SLC43A3: variants seen among roughly 807,000 people sequenced by gnomAD.
SLC43A3 encodes the protein solute carrier family 43 member 3.
Under a neutral mutation model 53.3 loss-of-function variants are expected in SLC43A3, and 33 were observed. The ratio of observed to expected loss-of-function variants is 0.62; its 90% CI spans 0.47 to 0.83. The LOEUF is 0.83. Ranked by LOEUF, SLC43A3 falls within the 40% of genes least tolerant of loss-of-function variation. The pLI is 0.00. For missense variants in SLC43A3, 530 were observed against 610.0 expected, an observed-to-expected ratio of 0.87 and a Z score of 1.38; for synonymous variants, 236 against 246.2, an observed-to-expected ratio of 0.96 and a Z score of 0.39.
rs1942737820 is a variant in SLC43A3 at position 57,416,662 on chromosome 11, G to A, written c.680C>T (p.Pro227Leu). The change falls in exon 9 of 14, where the codon CCT becomes CTT. Residue 227 changes from proline (P) to leucine (L), a missense_variant. Coordinates refer to ENST00000395124, the MANE Select transcript of SLC43A3 (RefSeq NM_199329.3). ...LPPNYSYGLC[P>L]GNGTTKEEKE... ...CTCTTCCTTTGTGGTGCCATTCCCA[G>A]GGCACAGGCTATGGAAACAAAAGCC... 1 of 1,613,810 alleles carries A rather than the reference G, an allele frequency of 6.2e-7. No individual in the cohort carries two copies. Among genetic ancestry groups the A allele is most frequent in the East Asian group, 2.2e-5 (1 of 44,878 alleles).
At position 57,416,743 on chromosome 11, in the gene SLC43A3, A is replaced by G. The variant is rs1297413042; in HGVS notation, c.672-73T>C. The G allele has an allele frequency of 9.2e-6, 11 of 1,198,896 alleles. No homozygotes were observed. The East Asian group carries it at 1.9e-4, about 21-fold the overall frequency. The allele number at this position is 1,198,896 out of a possible 1,614,324, so 74.3% of individuals were successfully genotyped here. A position where few individuals can be genotyped will look rare whatever the true frequency, so the allele number is the denominator to read the frequency against. The stretch of plus-strand genomic sequence containing the variant: ...ACCTGAGACTCAGACTGGAGGGAAT[A>G]GCATGGTGAATCCCACATTCCACCG... On this transcript the variant is annotated intron_variant, in intron 8 of 13. Coordinates refer to ENST00000395124, the MANE Select transcript of SLC43A3 (RefSeq NM_199329.3).
rs1475294351 is a variant in SLC43A3, at chr11:57,409,227, T to C, written c.1319A>G (p.Gln440Arg). The change falls in exon 13 of 14, where the codon CAG (glutamine) becomes CGG (arginine). Residue 440 changes from glutamine to arginine, a missense_variant. Around this residue, in one of 3 missense-constraint regions of SLC43A3, gnomAD observed 124 missense variants for 166.4 expected, o/e 0.75. Transcript: ENST00000395124. Reference protein sequence around the residue: ...MALSAVVSLLQFPIFTLIKGS... With the variant: ...MALSAVVSLLRFPIFTLIKGS... Reference sequence around the variant, plus strand: ...TTTGATGAGGGTGAAGATGGGGAACTGGAGCAGAGACACCACAGCCGACAA... The same window carrying C: ...TTTGATGAGGGTGAAGATGGGGAACCGGAGCAGAGACACCACAGCCGACAA... 3.1e-6 allele frequency: 5 copies of C among 1,614,062 alleles called. No individual in the cohort carries two copies. The highest frequency in any genetic ancestry group is 4.2e-6 in the Non-Finnish European group (5 of 1,180,028).
At chr11:57,419,816 A>AAAAG (rs1554973766) in intron 7 of SLC43A3, among the ~76,000 whole-genome samples, 4 of 147,744 alleles carry the variant, frequency 2.7e-5, no homozygotes, top group Non-Finnish European at 3.0e-5. Flanking sequence ...AAAAAAAAAA[A>AAAAG]AGAGAGAGGA....
At chr11:57,415,221 C>G in intron 9 of SLC43A3, 115 bp from the exon 10 acceptor site, 1 of 1,547,854 alleles carries the variant, frequency 6.5e-7, no homozygotes, top group South Asian at 1.2e-5. Context: ...CTACCCTTGG[C>G]TCCCAGAACT....
At chr11:57,412,311 G>A (rs1382440312) in intron 11 of SLC43A3, among the ~76,000 whole-genome samples, 2 of 152,122 alleles carry the variant, frequency 1.3e-5, no homozygotes, top group East Asian at 3.8e-4. Context: ...AATCATGACA[G>A]AACAGATTAA....
In SLC43A3 at chr11:57,425,992, C is replaced by T. The variant is rs767661306; in HGVS notation, c.181G>A (p.Ala61Thr). The change falls in exon 3 of 14, where the codon GCT becomes ACT. Residue 61 changes from alanine to threonine, a missense_variant. Ala to Thr is a moderately conservative substitution (Grantham distance 58, BLOSUM62 0). Around this residue, in one of 3 missense-constraint regions of SLC43A3, gnomAD observed 376 missense variants for 386.7 expected, o/e 0.97. Transcript: ENST00000395124. Reference sequence around the variant, plus strand: ...GAAAAGTCATCCCTGCCCTTACCAGCCTGCCCTGTGGCATTGCCAATCGGC... The same window carrying T: ...GAAAAGTCATCCCTGCCCTTACCAGTCTGCCCTGTGGCATTGCCAATCGGC... ...AGPIGNATGQ[A>T]DCKAQDERFS... 6.2e-7 allele frequency: 1 copy of T among 1,613,802 alleles called. No homozygotes were observed. The highest frequency in any genetic ancestry group is 1.7e-5 in the Admixed American group (1 of 60,022).
At chr11:57,423,766 T>G in intron 5 of SLC43A3, 1 of 535,084 alleles carries the variant, frequency 1.9e-6, no homozygotes, top group Non-Finnish European at 3.4e-6. Flanking sequence ...CTCTCTGAAG[T>G]AATCCCTCTC....
At chr11:57,419,374 T>C (rs1395680859) in intron 7 of SLC43A3, among the ~76,000 whole-genome samples, 1 of 152,186 alleles carries the variant, frequency 6.6e-6, no homozygotes, top group African/African-American at 2.4e-5. Context: ...CCTCCCATTT[T>C]ACAGAGAGTG....
At chr11:57,425,772 T>C in intron 3 of SLC43A3, 102 bp from the exon 4 acceptor site, 1 of 1,549,650 alleles carries the variant, frequency 6.5e-7, no homozygotes, top group South Asian at 1.2e-5. Flanking sequence ...GTCGCAAACT[T>C]GTCCCTTAAG....
chr11:57,417,267 G>T (rs755129466), intron 8 of SLC43A3, among the ~76,000 whole-genome samples: 1 of 152,222 alleles, frequency 6.6e-6, no homozygotes, highest in Non-Finnish European at 1.5e-5. Flanking sequence ...TCAGCCAAAA[G>T]AATGCAGCAG....
chr11:57,415,175 G>A (rs1942661150), intron 9 of SLC43A3, 69 bp from the exon 10 acceptor site: 3 of 1,581,246 alleles, frequency 1.9e-6, no homozygotes, highest in South Asian at 2.4e-5. Flanking sequence ...GGAGTGTGGA[G>A]GCTTCAATGG....
At chr11:57,415,166 GAGTGTGGAGGCTTCAATGGA>G (rs1942660841) in intron 9 of SLC43A3, 60 bp from the exon 10 acceptor site, 9 of 1,583,580 alleles carry the variant, frequency 5.7e-6, no homozygotes, top group Non-Finnish European at 7.7e-6. Flanking sequence ...GTAGGATGGG[GAGTGTGGAGGCTTCAATGGA>G]ACATTTCAGA....
At chr11:57,415,144 G>A (rs921729214) in intron 9 of SLC43A3, 38 bp from the exon 10 acceptor site, 2 of 1,588,792 alleles carry the variant, frequency 1.3e-6, no homozygotes, top group African/African-American at 1.3e-5. Flanking sequence ...GAATTACGAG[G>A]AAAGTGGACA....
chr11:57,420,306 T>C (rs1460012540), intron 7 of SLC43A3, among the ~76,000 whole-genome samples: 1 of 152,194 alleles, frequency 6.6e-6, no homozygotes, highest in African/African-American at 2.4e-5. Context: ...TTCCACTATA[T>C]ACACTCCCTT....
chr11:57,415,161 A>T (rs1401982969), intron 9 of SLC43A3, 55 bp from the exon 10 acceptor site: 9 of 1,585,590 alleles, frequency 5.7e-6, no homozygotes. Flanking sequence ...GACAGGTAGG[A>T]TGGGGAGTGT....
intron 11 of SLC43A3, among the ~76,000 whole-genome samples, chr11:57,411,619 C>T (rs1321447984): frequency 3.3e-5 from 5 of 151,842 alleles, no homozygotes. Context: ...GAGCCGTGAT[C>T]GTACCACTGT....
intron 9 of SLC43A3, among the ~76,000 whole-genome samples, chr11:57,416,308 G>T (rs779449788): frequency 6.6e-6 from 1 of 152,314 alleles, no homozygotes; most frequent in South Asian, 2.1e-4. Context: ...CGAGGAGTGG[G>T]GGGAAGGGAA....
rs139270446 is a variant in SLC43A3, at chr11:57,415,046, C to G, written c.830G>C (p.Arg277Pro). Residue 277 changes from arginine to proline, a missense_variant, in exon 10 of 14, where the codon CGG becomes CCG. Physicochemically the swap from Arg to Pro is moderately radical, Grantham distance 103. Around this residue, in one of 3 missense-constraint regions of SLC43A3, gnomAD observed 376 missense variants for 386.7 expected, o/e 0.97. Coordinates refer to ENST00000395124, the MANE Select transcript of SLC43A3 (RefSeq NM_199329.3). ...CCACACCAGGTGCCAGGCAAAGCGCCGAGAGAAAGCGTAGCTCCAGAAGGA... is the reference window on the plus strand; with the variant it reads ...CCACACCAGGTGCCAGGCAAAGCGCGGAGAGAAAGCGTAGCTCCAGAAGGA... ...LRSFWSYAFS[R>P]RFAWHLVWLS... 5.6e-6 allele frequency: 9 copies of G among 1,614,018 alleles called. No individual in the cohort carries two copies. In the South Asian group the frequency reaches 8.8e-5, roughly 16 times the overall value.
In SLC43A3 at chr11:57,414,994, G is replaced by A. The variant is rs760667976; in HGVS notation, c.882C>T (p.Tyr294=). The A allele has an allele frequency of 5.6e-6, 9 of 1,614,058 alleles. No homozygotes were observed. The highest frequency in any genetic ancestry group is 7.6e-6 in the Non-Finnish European group (9 of 1,180,032). The change falls in exon 10 of 14, where the codon TAC becomes TAT. Residue 294 remains tyrosine (Y), a synonymous_variant. Transcript: ENST00000395124. ...AGGAGTTGAGAGTGCCAATGAAGAG[G>A]TAGTGCCACAACTGTATCACAGACA... is the stretch of plus-strand genomic sequence containing the variant. ...VWLSVIQLWH[Y]LFIGTLNSLL...
Sources: allele counts gnomAD v4.1 joint callset (sites outside exome capture counted in the v4.1 genomes callset), GRCh38; gene constraint gnomAD v4.1.1; regional missense constraint gnomAD v4.1.1; transcripts MANE v1.5; gene names NCBI Gene and HGNC (gene_info 2026-07-23, HGNC 2026-07-21).